SEPTIN9: variants seen among roughly 807,000 people sequenced by gnomAD.
The protein encoded by SEPTIN9 is septin 9.
Under a neutral mutation model 56.6 loss-of-function variants are expected in SEPTIN9, and 13 were observed. That is an observed-to-expected ratio of 0.23 (90% CI 0.15 to 0.37). The LOEUF (loss-of-function observed/expected upper bound fraction) is 0.37, where lower values mean the gene tolerates loss of function less well. Ranked by LOEUF, SEPTIN9 falls within the 10% of genes least tolerant of loss-of-function variation. SEPTIN9 has a pLI of 1.00. For synonymous variants in SEPTIN9, 332 were observed against 334.1 expected, an observed-to-expected ratio of 0.99 and a Z score of 0.07; for missense variants, 650 against 823.1, an observed-to-expected ratio of 0.79 and a Z score of 2.57.
intron 2 of SEPTIN9, among the ~76,000 whole-genome samples, chr17:77,352,089 A>G (rs11650316): frequency 0.23 from 34,556 of 152,138 alleles, 4,387 homozygotes; most frequent in East Asian, 0.61. Context: ...AGGACCACAA[A>G]TGAGGTGACT....
chr17:77,302,994 G>A (rs2032122449), intron 1 of SEPTIN9, among the ~76,000 whole-genome samples: 1 of 152,096 alleles, frequency 6.6e-6, no homozygotes, highest in Non-Finnish European at 1.5e-5. Context: ...TCTCTGGCTT[G>A]TGAGCACTGC....
intron 3 of SEPTIN9, among the ~76,000 whole-genome samples, chr17:77,408,347 G>A (rs1049724198): frequency 3.3e-5 from 5 of 152,212 alleles, no homozygotes; most frequent in African/African-American, 9.6e-5. Context: ...AAATTGGGGC[G>A]GGGTAGACAT....
chr17:77,463,043 T>A (rs1309988537), intron 3 of SEPTIN9, among the ~76,000 whole-genome samples: 1 of 151,924 alleles, frequency 6.6e-6, no homozygotes, highest in Admixed American at 6.6e-5. Flanking sequence ...CCCGTGGGGG[T>A]CTCGGCAAGA....
intron 3 of SEPTIN9, among the ~76,000 whole-genome samples, chr17:77,440,661 A>G (rs1180353975): frequency 6.6e-6 from 1 of 152,176 alleles, no homozygotes; most frequent in Non-Finnish European, 1.5e-5. Flanking sequence ...AAGCAGGGAG[A>G]AGAGGCAGGA....
intron 2 of SEPTIN9, among the ~76,000 whole-genome samples, chr17:77,354,529 G>C (rs1207074996): frequency 6.6e-6 from 1 of 152,172 alleles, no homozygotes; most frequent in Admixed American, 6.5e-5. Context: ...TTTCCAGCTG[G>C]GGGAGGGCTG....
chr17:77,405,069 A>C lies in SEPTIN9; in HGVS notation c.721+2366A>C. On this transcript the variant is annotated intron_variant, in intron 3 of 11. Transcript: ENST00000427177. This position sits in a 1 kb window ranked among gnomAD's most constrained non-coding sequence, Gnocchi z 5.8. ...GGATGTGGCTGGGGAGGCGGTTGTC[A>C]CCGAGCCATCTAAATCTCGGTGATG... 6.5e-7 allele frequency: 1 copy of C among 1,534,462 alleles called. No individual in the cohort carries two copies.
At chr17:77,490,986 A>G in intron 8 of SEPTIN9, 127 bp downstream of exon 8, 1 of 781,598 alleles carries the variant, frequency 1.3e-6, no homozygotes, top group Non-Finnish European at 2.1e-6. Context: ...CACTCTCCCC[A>G]GCGGGTGGCT....
At chr17:77,497,460 G>A (rs975568291) in intron 11 of SEPTIN9, 94 bp downstream of exon 11, 3 of 1,193,944 alleles carry the variant, frequency 2.5e-6, no homozygotes, top group Non-Finnish European at 3.7e-6. Context: ...CGAAGCCCTG[G>A]GCAGAGTGGG....
chr17:77,445,260 C>A lies in SEPTIN9; in HGVS notation c.722-36884C>A. 2.1e-6 allele frequency: 1 copy of A among 469,958 alleles called. No homozygotes were observed. 29.1% of individuals were successfully genotyped at this position (469,958 alleles called of 1,614,324 possible). On this transcript the variant is annotated intron_variant, in intron 3 of 11. Coordinates refer to ENST00000427177, the MANE Select transcript of SEPTIN9 (RefSeq NM_001113491.2). This position sits in a 1 kb window ranked among gnomAD's most constrained non-coding sequence, Gnocchi z 4.7. ...AAATGCATACCAGCCCTCAGAACCA[C>A]ATTCCTGCTCCCCAGCCCTTTCCTC...
At chr17:77,464,244 T>C (rs2038607696) in intron 3 of SEPTIN9, among the ~76,000 whole-genome samples, 1 of 152,016 alleles carries the variant, frequency 6.6e-6, no homozygotes, top group Admixed American at 6.6e-5. Context: ...ACGTGGCTAA[T>C]TTTTTGTATT....
intron 3 of SEPTIN9, among the ~76,000 whole-genome samples, chr17:77,418,462 C>A (rs554101136): frequency 1.3e-5 from 2 of 152,296 alleles, no homozygotes; most frequent in South Asian, 4.1e-4. Context: ...CCTGCCTCAG[C>A]CTCCTGAGTA....
chr17:77,344,969 CAAAAAA>C (rs35165946), intron 2 of SEPTIN9, among the ~76,000 whole-genome samples: 1 of 67,956 alleles, frequency 1.5e-5, no homozygotes, highest in Non-Finnish European at 3.0e-5. Context: ...AAGACTGCCT[CAAAAAA>C]AAAAAAAAAA....
In SEPTIN9 at chr17:77,319,876, C is replaced by A; in HGVS notation, c.76+12679C>A. 9.1e-7 allele frequency: 1 copy of A among 1,095,716 alleles called. No individual in the cohort carries two copies. The highest frequency in any genetic ancestry group is 1.1e-6 in the Non-Finnish European group (1 of 898,022). 67.9% of individuals were successfully genotyped at this position (1,095,716 alleles called of 1,614,324 possible). A position where few individuals can be genotyped will look rare whatever the true frequency, so the allele number is the denominator to read the frequency against. On this transcript the variant is annotated intron_variant, in intron 2 of 11. Transcript: ENST00000427177. This position sits in a 1 kb window ranked among gnomAD's most constrained non-coding sequence, Gnocchi z 5.3. ...TAAAAAGGAGCAGCAAGCCTCGGGG[C>A]GGCGGGGGCTGGAGGAGGTGGAGAG...
chr17:77,359,335 C>T (rs1231499016), intron 2 of SEPTIN9, among the ~76,000 whole-genome samples: 1 of 152,194 alleles, frequency 6.6e-6, no homozygotes, highest in African/African-American at 2.4e-5. Context: ...CTGTGGCAGG[C>T]CCTATGCCAG....
intron 2 of SEPTIN9, among the ~76,000 whole-genome samples, chr17:77,334,249 C>T (rs980835441): frequency 1.3e-5 from 2 of 151,932 alleles, no homozygotes; most frequent in African/African-American, 4.8e-5. Flanking sequence ...GGTGAAACCC[C>T]ATCTCTACTA....
chr17:77,455,060 TC>T (rs939576997), intron 3 of SEPTIN9, among the ~76,000 whole-genome samples: 1 of 151,640 alleles, frequency 6.6e-6, no homozygotes, highest in Non-Finnish European at 1.5e-5. Flanking sequence ...TTTTTTTTTT[TC>T]CCTCCCTTTT....
chr17:77,374,137 G>C (rs563681965), intron 2 of SEPTIN9: 1 of 152,874 alleles, frequency 6.5e-6, no homozygotes, highest in South Asian at 2.0e-4. Flanking sequence ...ACACAGCCCA[G>C]GTCGTGGCAG....
At chr17:77,332,016 C>G (rs1440068939) in intron 2 of SEPTIN9, among the ~76,000 whole-genome samples, 1 of 152,172 alleles carries the variant, frequency 6.6e-6, no homozygotes, top group Non-Finnish European at 1.5e-5. Context: ...TGGCTCATGA[C>G]TGTAATCCCA....
rs1321026872 is a variant in SEPTIN9, at chr17:77,421,251, C to T, written c.721+18548C>T. On this transcript the variant is annotated intron_variant, in intron 3 of 11. Coordinates refer to ENST00000427177, the MANE Select transcript of SEPTIN9 (RefSeq NM_001113491.2). The surrounding 1 kb of genome is among the most constrained non-coding windows in gnomAD (Gnocchi z 4.6). ...GTTAGAAGGTGTCCCCCTCTTCCTT[C>T]AGTCCCTCAGCTGCCCTGGATTTTG... is the stretch of plus-strand genomic sequence containing the variant. Among the ~76,000 whole-genome samples, 1 of 152,214 alleles carries T rather than the reference C, an allele frequency of 6.6e-6. No homozygotes were observed. The highest frequency in any genetic ancestry group is 1.5e-5 in the Non-Finnish European group (1 of 68,038).
Sources: allele counts gnomAD v4.1 joint callset (sites outside exome capture counted in the v4.1 genomes callset), GRCh38; gene constraint gnomAD v4.1.1; non-coding constraint Gnocchi (gnomAD v3.1); transcripts MANE v1.5; gene names NCBI Gene and HGNC (gene_info 2026-07-23, HGNC 2026-07-21).